The following CFAP47 variants were observed in gnomAD, a reference collection of about 807,000 sequenced individuals.
CFAP47 encodes cilia- and flagella-associated protein 47.
Under a neutral mutation model 148.1 loss-of-function variants are expected in CFAP47, and 29 were observed. That is an observed-to-expected ratio of 0.20 (90% CI 0.15 to 0.27). The LOEUF is 0.27. Among genes scored for constraint, CFAP47 ranks in the 10% least tolerant of loss-of-function variants. CFAP47 has a pLI of 1.00. For missense variants in CFAP47, 1,872 were observed against 1,697.5 expected, an observed-to-expected ratio of 1.10 and a Z score of -1.81; for synonymous variants, 664 against 577.3, an observed-to-expected ratio of 1.15 and a Z score of -2.15.
chrX:36,112,444 T>G (rs1472872459), intron 33 of CFAP47, among the ~76,000 whole-genome samples: 1 of 111,943 alleles, frequency 8.9e-6, no homozygotes, highest in Non-Finnish European at 1.9e-5. Flanking sequence ...ATTTCTAATT[T>G]TATTACTCTG....
chrX:36,261,085 C>CCTTG (rs1240074417), intron 49 of CFAP47, among the ~76,000 whole-genome samples: 1 of 106,551 alleles, frequency 9.4e-6, no homozygotes, highest in African/African-American at 3.5e-5. Context: ...TGTACAGGTA[C>CCTTG]CTTGCCATTT....
chrX:36,371,786 ATG>A (rs1460274683), intron 62 of CFAP47, among the ~76,000 whole-genome samples: 2 of 53,417 alleles, frequency 3.7e-5, no homozygotes, highest in Non-Finnish European at 5.6e-5. Flanking sequence ...ATGTGTATAT[ATG>A]TGTGTATATA....
intron 13 of CFAP47, among the ~76,000 whole-genome samples, chrX:35,972,668 G>A (rs1308286419): frequency 9.0e-6 from 1 of 111,700 alleles, no homozygotes; most frequent in Non-Finnish European, 1.9e-5. Context: ...TAATGTTTTT[G>A]AGGTTCACCC....
intron 57 of CFAP47, among the ~76,000 whole-genome samples, chrX:36,323,280 A>T: frequency 9.0e-6 from 1 of 111,123 alleles, no homozygotes; most frequent in East Asian, 2.8e-4. Flanking sequence ...TTCTATGCTT[A>T]AATGAATTTG....
intron 39 of CFAP47, among the ~76,000 whole-genome samples, chrX:36,163,376 A>G (rs1939452026): frequency 9.0e-6 from 1 of 111,077 alleles, no homozygotes; most frequent in African/African-American, 3.3e-5. Flanking sequence ...CTATTGTTTT[A>G]CTATCCTCTA....
intron 62 of CFAP47, among the ~76,000 whole-genome samples, chrX:36,371,930 A>G (rs1238373329): frequency 1.0e-5 from 1 of 96,950 alleles, no homozygotes; most frequent in East Asian, 3.4e-4. Flanking sequence ...ATGTGTATAT[A>G]CACACATGTG....
intron 10 of CFAP47, among the ~76,000 whole-genome samples, chrX:35,968,901 G>A (rs1936448873): frequency 9.1e-6 from 1 of 110,022 alleles, no homozygotes; most frequent in African/African-American, 3.3e-5. Flanking sequence ...ACCCTGCAGA[G>A]GTGGCTTCTA....
intron 49 of CFAP47, among the ~76,000 whole-genome samples, chrX:36,269,257 C>A (rs1422179513): frequency 8.9e-6 from 1 of 112,068 alleles, no homozygotes; most frequent in Admixed American, 9.4e-5. Context: ...GAAAGCCACC[C>A]TCCTAAGTGT....
At chrX:36,272,882 T>A (rs1298863960) in intron 49 of CFAP47, among the ~76,000 whole-genome samples, 1 of 111,928 alleles carries the variant, frequency 8.9e-6, no homozygotes, top group Non-Finnish European at 1.9e-5. Context: ...AAATTGTAGT[T>A]ATTCTGTAGT....
At chrX:36,214,609 TTTTAC>T (rs1484651639) in intron 45 of CFAP47, among the ~76,000 whole-genome samples, 8 of 111,519 alleles carry the variant, frequency 7.2e-5, no homozygotes, top group African/African-American at 2.6e-4. Flanking sequence ...CTATAAATTT[TTTTAC>T]TTTAAAGTTT....
At chrX:36,287,081 T>C (rs1556004722) in intron 51 of CFAP47, among the ~76,000 whole-genome samples, 1 of 111,067 alleles carries the variant, frequency 9.0e-6, no homozygotes, top group South Asian at 3.7e-4. Context: ...TTAAGAAGAT[T>C]GAGCAAAAAG....
chrX:35,969,645 T>C (rs1936459704), intron 10 of CFAP47, among the ~76,000 whole-genome samples: 1 of 111,713 alleles, frequency 9.0e-6, no homozygotes, highest in Non-Finnish European at 1.9e-5. Flanking sequence ...TCTCTCCTTG[T>C]TAGAGGTATC....
chrX:35,960,409 G>GAAAT (rs1936313788), intron 8 of CFAP47, among the ~76,000 whole-genome samples: 2 of 69,696 alleles, frequency 2.9e-5, no homozygotes, highest in African/African-American at 9.2e-5. Context: ...AAAAAAAAAG[G>GAAAT]ACAGCTGGAA....
intron 24 of CFAP47, among the ~76,000 whole-genome samples, chrX:36,037,962 G>C (rs1162989100): frequency 1.8e-5 from 2 of 110,853 alleles, no homozygotes; most frequent in African/African-American, 6.6e-5. Flanking sequence ...GTCATTATTA[G>C]TAGGGAGCCC....
intron 26 of CFAP47, among the ~76,000 whole-genome samples, chrX:36,055,474 A>G (rs1937547899): frequency 9.0e-6 from 1 of 111,496 alleles, no homozygotes; most frequent in Non-Finnish European, 1.9e-5. Flanking sequence ...TTCCAGCTCC[A>G]TCCATGTCCC....
chrX:36,224,639 G>T (rs1387644174), intron 45 of CFAP47, among the ~76,000 whole-genome samples: 5 of 111,228 alleles, frequency 4.5e-5, no homozygotes, highest in African/African-American at 1.6e-4. Context: ...AAATGATTGG[G>T]CTCATCTCAT....
At chrX:36,354,950 G>C (rs77507837) in intron 60 of CFAP47, among the ~76,000 whole-genome samples, 1 of 110,962 alleles carries the variant, frequency 9.0e-6, no homozygotes, top group African/African-American at 3.3e-5. Context: ...AAGATAACAC[G>C]TGGAATGGTA....
chrX:36,221,722 G>A (rs1555990807), intron 45 of CFAP47, among the ~76,000 whole-genome samples: 1 of 110,551 alleles, frequency 9.0e-6, no homozygotes, highest in African/African-American at 3.3e-5. Flanking sequence ...TAGACTTTGT[G>A]GTAAATAAAG....
chrX:35,929,431 T>G (rs990245774), intron 2 of CFAP47, among the ~76,000 whole-genome samples: 1 of 111,975 alleles, frequency 8.9e-6, no homozygotes, highest in Non-Finnish European at 1.9e-5. Flanking sequence ...AATATTGTGT[T>G]TTTAATTTTG....
Sources: allele counts gnomAD v4.1 joint callset (sites outside exome capture counted in the v4.1 genomes callset), GRCh38; gene constraint gnomAD v4.1.1; transcripts MANE v1.5; gene names NCBI Gene and HGNC (gene_info 2026-07-23, HGNC 2026-07-21).